Variants in SULT1B1 observed in about 807,000 individuals in gnomAD.
SULT1B1 encodes sulfotransferase family 1B member 1.
In SULT1B1, 28 loss-of-function variants were observed where a neutral mutation model predicts 34.6. That is an observed-to-expected ratio of 0.81 (90% confidence interval 0.60 to 1.11). The LOEUF (loss-of-function observed/expected upper bound fraction) is 1.11, where lower values mean the gene tolerates loss of function less well. Ranked by LOEUF, SULT1B1 falls within the 50% of genes least tolerant of loss-of-function variation. The pLI is 0.00. For missense variants in SULT1B1, 374 were observed against 352.2 expected (o/e 1.06, Z -0.50); for synonymous variants, 147 against 110.2 (o/e 1.33, Z -2.09).
intron 3 of SULT1B1, among the ~76,000 whole-genome samples, chr4:69,750,712 A>C (rs1258952472): frequency 6.6e-6 from 1 of 152,218 alleles, no homozygotes; most frequent in Non-Finnish European, 1.5e-5. Flanking sequence ...ACACATTTTG[A>C]CTTCATAGTT....
intron 4 of SULT1B1, among the ~76,000 whole-genome samples, chr4:69,749,055 AT>A (rs1217389246): frequency 6.6e-6 from 1 of 152,090 alleles, no homozygotes; most frequent in African/African-American, 2.4e-5. Flanking sequence ...AACAGAAATA[AT>A]TGATAAAACG....
At chr4:69,730,806 G>A in intron 6 of SULT1B1, 125 bp from the exon 7 acceptor site, 5 of 812,600 alleles carry the variant, frequency 6.2e-6, no homozygotes, top group Admixed American at 3.2e-5. Flanking sequence ...ATATTTGTTT[G>A]GGTTTTTCTC....
intron 7 of SULT1B1, among the ~76,000 whole-genome samples, chr4:69,727,728 G>A (rs902908010): frequency 2.6e-5 from 4 of 151,832 alleles, no homozygotes; most frequent in Non-Finnish European, 5.9e-5. Context: ...AAATTCACTA[G>A]GCTTGTTCTT....
chr4:69,748,253 T>C (rs570630043), intron 4 of SULT1B1, among the ~76,000 whole-genome samples: 21 of 152,218 alleles, frequency 1.4e-4, no homozygotes, highest in African/African-American at 3.9e-4. Context: ...CAAGACAAGA[T>C]AGACGTCAGT....
intron 4 of SULT1B1, among the ~76,000 whole-genome samples, chr4:69,747,634 C>G (rs1718802176): frequency 6.6e-6 from 1 of 152,222 alleles, no homozygotes. Context: ...GCAGCTATTC[C>G]TGCACCAAAC....
At chr4:69,736,284 A>G (rs1718305315) in intron 4 of SULT1B1, among the ~76,000 whole-genome samples, 1 of 152,216 alleles carries the variant, frequency 6.6e-6, no homozygotes, top group Non-Finnish European at 1.5e-5. Context: ...TCTAAACCAC[A>G]TACTTCTAGA....
intron 4 of SULT1B1, among the ~76,000 whole-genome samples, chr4:69,739,454 C>G (rs1356214053): frequency 1.3e-5 from 2 of 152,244 alleles, no homozygotes; most frequent in African/African-American, 2.4e-5. Context: ...AGAATCCACA[C>G]AGCCCAAGCT....
chr4:69,745,440 C>A lies in SULT1B1; in HGVS notation c.375+4281G>T, dbSNP rs191244844. Among the ~76,000 whole-genome samples the A allele has an allele frequency of 5.8e-4, 89 of 152,256 alleles. 1 individual carries two copies. The highest frequency in any genetic ancestry group is 2.1e-3 in the African/African-American group (87 of 41,538). ...GTTACACCTTCTTGTTGAATTGAATCTTTTATCATTGTATAATATTATTCT... is the reference window on the plus strand; with the variant it reads ...GTTACACCTTCTTGTTGAATTGAATATTTTATCATTGTATAATATTATTCT... On this transcript the variant is annotated intron_variant, in intron 4 of 7. Transcript: ENST00000310613.
rs148271036 is a variant in SULT1B1 at position 69,754,733 on chromosome 4, G to A, written c.214C>T (p.Arg72Ter). 2.7e-5 allele frequency: 43 copies of A among 1,612,506 alleles called. No individual in the cohort carries two copies. The highest frequency in any genetic ancestry group is 8.0e-5 in the African/African-American group (6 of 74,812). The change falls in exon 3 of 8, where the codon CGA (arginine) becomes TGA (stop). Residue 72 changes from arginine to a stop codon, truncating the protein, a stop_gained. Coordinates refer to ENST00000310613, the MANE Select transcript of SULT1B1 (RefSeq NM_014465.4). LOFTEE classifies it high-confidence loss of function. ...GGAACTTTTTCAGTAATAAAACCTC[G>A]CTTACATTTTTCAATATCTCCATCA... ...LNDGDIEKCK[R>*]GFITEKVPML...
chr4:69,747,788 T>A (rs1718810704), intron 4 of SULT1B1, among the ~76,000 whole-genome samples: 1 of 152,130 alleles, frequency 6.6e-6, no homozygotes, highest in Non-Finnish European at 1.5e-5. Context: ...CTGTTCCATG[T>A]CTGTTTCACT....
intron 6 of SULT1B1, among the ~76,000 whole-genome samples, chr4:69,733,069 C>T (rs1004202259): frequency 6.6e-6 from 1 of 151,684 alleles, no homozygotes; most frequent in Non-Finnish European, 1.5e-5. Context: ...AGGGGTAACT[C>T]GAATATAGCA....
Position 69,723,185 on chromosome 4 carries a change from G to A in SULT1B1, c.*3903C>T, listed in dbSNP as rs1267870037. ...ATAGATGCAATAAAAAAAGATAAAG[G>A]GGATATCACCACCGATGATCCCACA... On this transcript the variant is annotated 3_prime_UTR_variant, in exon 8 of 8. Transcript: ENST00000310613. The A allele has an allele frequency of 6.6e-6, 1 of 151,352 alleles. No homozygotes were observed. Among genetic ancestry groups the A allele is most frequent in the Non-Finnish European group, 1.5e-5 (1 of 67,838 alleles). 9.4% of individuals were successfully genotyped at this position (151,352 alleles called of 1,614,324 possible).
chr4:69,730,882 G>A (rs1350954458), intron 6 of SULT1B1, among the ~76,000 whole-genome samples: 1 of 152,062 alleles, frequency 6.6e-6, no homozygotes, highest in Non-Finnish European at 1.5e-5. Context: ...TTCTGTGTCA[G>A]TCCTCTCTGA....
chr4:69,733,492 C>A lies in SULT1B1; in HGVS notation c.518G>T (p.Trp173Leu), dbSNP rs1718169270. 1.9e-6 allele frequency: 3 copies of A among 1,604,644 alleles called. No individual in the cohort carries two copies. The highest frequency in any genetic ancestry group is 2.5e-6 in the Non-Finnish European group (3 of 1,176,500). Residue 173 changes from tryptophan (W) to leucine (L), a missense_variant, in exon 6 of 8, where the codon TGG becomes TTG. Transcript: ENST00000310613. ...CCACCAGTTTTTAACATGAGTAAAC[C>A]AGGAACCATAGGCCACTAAAACCAG... ...FLTGKVAYGS[W>L]FTHVKNWWKK...
Position 69,755,232 on chromosome 4 carries a change from G to A in SULT1B1, c.-15C>T. On this transcript the variant is annotated 5_prime_UTR_variant, in exon 2 of 8. Transcript: ENST00000310613. ...GGGGAAAGCATTTTAATACCAGATT[G>A]TACAAATATATAATAGATTGACAGT... 6.2e-7 allele frequency: 1 copy of A among 1,610,778 alleles called. No homozygotes were observed.
intron 4 of SULT1B1, among the ~76,000 whole-genome samples, chr4:69,735,949 G>T (rs1718293501): frequency 6.6e-6 from 1 of 152,180 alleles, no homozygotes; most frequent in Non-Finnish European, 1.5e-5. Flanking sequence ...AGCCACTGAA[G>T]ATGATAGGAA....
At chr4:69,743,814 G>A (rs900897854) in intron 4 of SULT1B1, among the ~76,000 whole-genome samples, 1 of 152,200 alleles carries the variant, frequency 6.6e-6, no homozygotes, top group East Asian at 1.9e-4. Context: ...TGTGTTCCGC[G>A]AGCGGGTAGT....
intron 4 of SULT1B1, among the ~76,000 whole-genome samples, chr4:69,743,826 GC>G (rs1365114914): frequency 6.6e-6 from 1 of 152,194 alleles, no homozygotes; most frequent in Admixed American, 6.5e-5. Flanking sequence ...GCGGGTAGTG[GC>G]CAGATAGTGG....
At position 69,727,168 on chromosome 4, in the gene SULT1B1, C is replaced by T. The variant is rs369976377; in HGVS notation, c.811G>A (p.Val271Met). 62 of 1,610,098 alleles carry T rather than the reference C, an allele frequency of 3.9e-5. No homozygotes were observed. Among genetic ancestry groups the T allele is most frequent in the Non-Finnish European group, 4.5e-5 (53 of 1,178,168 alleles). ...GCATCAAATTTCTCATTTTGGGCCA[C>T]GGTGAAGTAATTCTTCCAGTCACCA... ...TAGDWKNYFTVAQNEKFDAIY... is the reference protein window; with the variant it reads ...TAGDWKNYFTMAQNEKFDAIY... The change falls in exon 8 of 8, where the codon GTG (valine) becomes ATG (methionine). Residue 271 changes from valine (V) to methionine (M), a missense_variant. By Grantham distance (21) the Val-to-Met change is conservative (BLOSUM62 1). Transcript: ENST00000310613.
Sources: gnomAD v4.1 joint callset for allele counts (sites outside exome capture counted in the v4.1 genomes callset) on GRCh38, gnomAD v4.1.1 for gene constraint, MANE v1.5 for transcripts, NCBI Gene and HGNC (gene_info 2026-07-23, HGNC 2026-07-21) for gene names.